The following FAM227B variants were observed in gnomAD, a reference collection of about 807,000 sequenced individuals.
FAM227B encodes the protein protein FAM227B.
A neutral mutation model predicts 73.8 loss-of-function variants in FAM227B; 88 were observed. The observed-to-expected ratio is 1.19, with a 90% confidence interval of 1.00 to 1.42. The LOEUF is 1.42. FAM227B is among the 40% of genes most tolerant of loss of function. FAM227B has a pLI of 0.00. For synonymous variants in FAM227B, 210 were observed against 190.5 expected, an observed-to-expected ratio of 1.10 and a Z score of -0.84; for missense variants, 632 against 590.9, an observed-to-expected ratio of 1.07 and a Z score of -0.72.
chr15:49,496,118 A>G (rs752720942), intron 11 of FAM227B, among the ~76,000 whole-genome samples: 2 of 152,186 alleles, frequency 1.3e-5, no homozygotes, highest in Non-Finnish European at 2.9e-5. Context: ...ATTACTTTAA[A>G]TATTTCTGTA....
chr15:49,607,448 A>G (rs987684378), intron 3 of FAM227B, among the ~76,000 whole-genome samples: 4 of 152,200 alleles, frequency 2.6e-5, no homozygotes, highest in Non-Finnish European at 5.9e-5. Context: ...AACACTGTCA[A>G]TTTAGAATGG....
rs576748710 is a variant in FAM227B at position 49,365,577 on chromosome 15, C to G, written c.1271+1871G>C. 11 of 904,374 alleles carry G rather than the reference C, an allele frequency of 1.2e-5. 1 individual carries two copies. The African/African-American group carries it at 1.6e-4, about 13-fold the overall frequency. 56.0% of individuals were successfully genotyped at this position (904,374 alleles called of 1,614,324 possible). A position where few individuals can be genotyped will look rare whatever the true frequency, so the allele number is the denominator to read the frequency against. On this transcript the variant is annotated intron_variant, in intron 13 of 15. Coordinates refer to ENST00000299338, the MANE Select transcript of FAM227B (RefSeq NM_152647.3). ...CAAAAGGTCCAGCTGCAAGTTTAAC[C>G]ATGATACTCTCACCATTCTTTGTGA...
intron 10 of FAM227B, among the ~76,000 whole-genome samples, chr15:49,538,947 T>C (rs747360548): frequency 1.3e-5 from 2 of 152,178 alleles, no homozygotes; most frequent in East Asian, 1.9e-4. Context: ...TATCCATTTA[T>C]TTTGGGTCAG....
intron 10 of FAM227B, among the ~76,000 whole-genome samples, chr15:49,519,184 G>T (rs2059601565): frequency 6.6e-6 from 1 of 152,198 alleles, no homozygotes; most frequent in African/African-American, 2.4e-5. Flanking sequence ...CCATGGCCTT[G>T]GGCAGCTCCA....
chr15:49,396,646 A>G (rs1426405907), intron 11 of FAM227B, among the ~76,000 whole-genome samples: 5 of 151,946 alleles, frequency 3.3e-5, no homozygotes, highest in Non-Finnish European at 7.4e-5. Flanking sequence ...CCAGCTGGAG[A>G]TCTGAGAACG....
chr15:49,534,314 A>G (rs548939117), intron 10 of FAM227B, among the ~76,000 whole-genome samples: 2 of 151,870 alleles, frequency 1.3e-5, no homozygotes, highest in African/African-American at 4.8e-5. Flanking sequence ...TGAATTTGGC[A>G]AGAACACTCA....
chr15:49,495,470 A>G (rs1289232564), intron 11 of FAM227B, among the ~76,000 whole-genome samples: 1 of 152,164 alleles, frequency 6.6e-6, no homozygotes, highest in Non-Finnish European at 1.5e-5. Flanking sequence ...TACAACTAAC[A>G]ACAATATGAC....
intron 9 of FAM227B, among the ~76,000 whole-genome samples, chr15:49,564,215 G>A (rs145043334): frequency 6.6e-6 from 1 of 152,100 alleles, no homozygotes; most frequent in Non-Finnish European, 1.5e-5. Flanking sequence ...AGACATACAC[G>A]CAGCAAACAT....
intron 13 of FAM227B, among the ~76,000 whole-genome samples, chr15:49,350,843 G>A (rs1020601182): frequency 6.6e-6 from 1 of 152,164 alleles, no homozygotes; most frequent in Non-Finnish European, 1.5e-5. Flanking sequence ...GCCAATGGTA[G>A]GGATAAATGG....
At chr15:49,456,687 C>G (rs182375546) in intron 11 of FAM227B, among the ~76,000 whole-genome samples, 12 of 152,030 alleles carry the variant, frequency 7.9e-5, no homozygotes, top group African/African-American at 2.9e-4. Context: ...GTCAGAGATA[C>G]TTTATTTTGT....
At chr15:49,574,086 T>C (rs2075294297) in intron 8 of FAM227B, among the ~76,000 whole-genome samples, 2 of 152,150 alleles carry the variant, frequency 1.3e-5, no homozygotes, top group Non-Finnish European at 1.5e-5. Flanking sequence ...AAAAAAAAAC[T>C]GACTTTGTAA....
At chr15:49,371,459 G>T in intron 11 of FAM227B, 60 bp from the exon 12 acceptor site, 1 of 991,656 alleles carries the variant, frequency 1.0e-6, no homozygotes, top group Non-Finnish European at 1.5e-6. Context: ...CACAGAAAAA[G>T]CATGATACCT....
intron 11 of FAM227B, among the ~76,000 whole-genome samples, chr15:49,452,134 T>G (rs774919934): frequency 6.6e-6 from 1 of 152,034 alleles, no homozygotes; most frequent in South Asian, 2.1e-4. Context: ...CTCTGCCTTC[T>G]AGGTTCAAGC....
At chr15:49,338,750 C>G (rs545860079) in intron 13 of FAM227B, among the ~76,000 whole-genome samples, 1 of 152,352 alleles carries the variant, frequency 6.6e-6, no homozygotes, top group African/African-American at 2.4e-5. Context: ...CTCTCCATCA[C>G]TTTCAGGTAC....
chr15:49,408,144 A>G (rs570989576), intron 11 of FAM227B, among the ~76,000 whole-genome samples: 12 of 152,220 alleles, frequency 7.9e-5, no homozygotes, highest in Non-Finnish European at 1.8e-4. Flanking sequence ...AAACATTTGA[A>G]GTTCTTATTT....
intron 13 of FAM227B, among the ~76,000 whole-genome samples, chr15:49,348,021 A>C (rs2041770992): frequency 2.9e-5 from 2 of 68,386 alleles, no homozygotes; most frequent in African/African-American, 1.5e-4. Context: ...CTCTGTCTCA[A>C]AAAAAAAAAA....
At chr15:49,483,494 T>C (rs1851527788) in intron 11 of FAM227B, among the ~76,000 whole-genome samples, 1 of 152,076 alleles carries the variant, frequency 6.6e-6, no homozygotes, top group African/African-American at 2.4e-5. Flanking sequence ...AACTGACCTC[T>C]AAGGATCCTT....
intron 5 of FAM227B, among the ~76,000 whole-genome samples, chr15:49,587,126 T>G (rs894583026): frequency 6.6e-6 from 1 of 152,172 alleles, no homozygotes; most frequent in African/African-American, 2.4e-5. Flanking sequence ...GTGGTATATA[T>G]ACACCACGGA....
chr15:49,525,818 C>CATATGATAT (rs2060158501), intron 10 of FAM227B, among the ~76,000 whole-genome samples: 1 of 149,186 alleles, frequency 6.7e-6, no homozygotes, highest in Non-Finnish European at 1.5e-5. Flanking sequence ...AGAAGGATAT[C>CATATGATAT]ATATGATATT....
Sources: gnomAD v4.1 joint callset for allele counts (sites outside exome capture counted in the v4.1 genomes callset) on GRCh38, gnomAD v4.1.1 for gene constraint, MANE v1.5 for transcripts, NCBI Gene and HGNC (gene_info 2026-07-23, HGNC 2026-07-21) for gene names.